The following LYPLAL1 variants were observed in gnomAD, a reference collection of about 807,000 sequenced individuals.
The protein encoded by LYPLAL1 is lysophospholipase like 1.
A neutral mutation model predicts 19.7 loss-of-function variants in LYPLAL1; 23 were observed. The ratio of observed to expected loss-of-function variants is 1.17; its 90% CI spans 0.84 to 1.65. The LOEUF (loss-of-function observed/expected upper bound fraction) is 1.65. LYPLAL1 is among the 40% of genes most tolerant of loss of function. LYPLAL1 has a pLI of 0.00. For missense variants in LYPLAL1, 355 were observed against 279.4 expected, an observed-to-expected ratio of 1.27 and a Z score of -1.93; for synonymous variants, 119 against 96.3, an observed-to-expected ratio of 1.24 and a Z score of -1.38.
chr1:219,324,023 C>T, the LYPLAL1 span, among the ~76,000 whole-genome samples: 1 of 152,156 alleles, frequency 6.6e-6, no homozygotes, highest in African/African-American at 2.4e-5. Context: ...CTTCACTACC[C>T]AGTCTAAATG....
intron 2 of LYPLAL1, among the ~76,000 whole-genome samples, chr1:219,183,401 A>C (rs1027819869): frequency 3.3e-5 from 5 of 152,164 alleles, no homozygotes; most frequent in Non-Finnish European, 2.9e-5. Context: ...TCTTAATGAC[A>C]TCTTGTGGAC....
intron 2 of LYPLAL1, among the ~76,000 whole-genome samples, chr1:219,187,839 A>G (rs1243955792): frequency 6.6e-6 from 1 of 151,808 alleles, no homozygotes; most frequent in East Asian, 1.9e-4. Context: ...CAAGTATGCT[A>G]GTAAGGAACC....
chr1:219,359,582 A>G, the LYPLAL1 span, among the ~76,000 whole-genome samples: 2 of 152,356 alleles, frequency 1.3e-5, no homozygotes, highest in East Asian at 3.9e-4. Context: ...GTCATTTGCT[A>G]AAACATGAGA....
chr1:219,198,585 G>A (rs1657807610), intron 3 of LYPLAL1: 1 of 151,578 alleles, frequency 6.6e-6, no homozygotes, highest in Non-Finnish European at 1.5e-5. Context: ...GTTTCTTTTG[G>A]GTTCTTCCAG....
the LYPLAL1 span, among the ~76,000 whole-genome samples, chr1:219,315,046 G>C: frequency 6.6e-6 from 1 of 152,020 alleles, no homozygotes; most frequent in Non-Finnish European, 1.5e-5. Flanking sequence ...GTTTTGAGGA[G>C]GGGTTGATTC....
chr1:219,321,397 T>C, the LYPLAL1 span, among the ~76,000 whole-genome samples: 2,732 of 152,304 alleles, frequency 0.018, 75 homozygotes, highest in African/African-American at 0.06. Context: ...AGGCTGCCTG[T>C]TCACTCTGAT....
the LYPLAL1 span, among the ~76,000 whole-genome samples, chr1:219,391,830 T>C: frequency 6.6e-6 from 1 of 152,212 alleles, no homozygotes; most frequent in African/African-American, 2.4e-5. Context: ...TTGGGAAGTT[T>C]AAGATCTCCC....
chr1:219,399,947 A>AC, the LYPLAL1 span, among the ~76,000 whole-genome samples: 1 of 152,026 alleles, frequency 6.6e-6, no homozygotes, highest in Non-Finnish European at 1.5e-5. Flanking sequence ...TGGCTTGCTG[A>AC]CCCTACCACT....
chr1:219,377,618 G>C, the LYPLAL1 span, among the ~76,000 whole-genome samples: 2 of 152,040 alleles, frequency 1.3e-5, no homozygotes, highest in Admixed American at 1.3e-4. Flanking sequence ...GCTGGAGATT[G>C]CCTCTTCTTT....
the LYPLAL1 span, among the ~76,000 whole-genome samples, chr1:219,278,373 C>T: frequency 6.6e-6 from 1 of 152,068 alleles, no homozygotes; most frequent in Non-Finnish European, 1.5e-5. Flanking sequence ...AACAATTTAG[C>T]CTTTACTATG....
the LYPLAL1 span, among the ~76,000 whole-genome samples, chr1:219,352,874 A>C: frequency 6.6e-6 from 1 of 152,210 alleles, no homozygotes; most frequent in Non-Finnish European, 1.5e-5. Flanking sequence ...CTCAGTACTG[A>C]TTCTTCTCAA....
chr1:219,443,552 T>TTACC, the LYPLAL1 span, among the ~76,000 whole-genome samples: 1 of 152,200 alleles, frequency 6.6e-6, no homozygotes, highest in Non-Finnish European at 1.5e-5. Flanking sequence ...AAGTCCTTAC[T>TTACC]TATCTTGGAC....
At chr1:219,393,296 C>T in the LYPLAL1 span, among the ~76,000 whole-genome samples, 1 of 152,182 alleles carries the variant, frequency 6.6e-6, no homozygotes, top group African/African-American at 2.4e-5. Flanking sequence ...TTGTCTTTGG[C>T]CCAGCTCTAT....
the LYPLAL1 span, among the ~76,000 whole-genome samples, chr1:219,401,093 G>A: frequency 1.3e-5 from 2 of 151,720 alleles, no homozygotes; most frequent in African/African-American, 4.8e-5. Flanking sequence ...ATATATAGTG[G>A]GGTTAGTTAA....
intron 3 of LYPLAL1, among the ~76,000 whole-genome samples, chr1:219,201,577 A>G (rs1173194735): frequency 1.3e-5 from 2 of 151,300 alleles, no homozygotes; most frequent in South Asian, 2.1e-4. Flanking sequence ...TTCATATTAT[A>G]ATATATAATA....
At chr1:219,416,136 C>T in the LYPLAL1 span, among the ~76,000 whole-genome samples, 2 of 152,320 alleles carry the variant, frequency 1.3e-5, no homozygotes, top group Admixed American at 6.5e-5. Context: ...TTTGTCACAA[C>T]TAATGAACCA....
chr1:219,199,465 G>A (rs1226048821), intron 3 of LYPLAL1, among the ~76,000 whole-genome samples: 1 of 151,008 alleles, frequency 6.6e-6, no homozygotes, highest in African/African-American at 2.4e-5. Flanking sequence ...TGGAGACAGA[G>A]TCTCGCTCTG....
the LYPLAL1 span, among the ~76,000 whole-genome samples, chr1:219,338,241 C>A: frequency 4.9e-3 from 738 of 151,922 alleles, 10 homozygotes; most frequent in African/African-American, 0.017. Flanking sequence ...TCCATTTAGG[C>A]AAGAAAATAT....
intron 3 of LYPLAL1, among the ~76,000 whole-genome samples, chr1:219,201,421 T>C (rs1361200490): frequency 6.6e-6 from 1 of 152,004 alleles, no homozygotes. Context: ...CAAGAGAACC[T>C]TGTTAAAAGA....
Sources: gnomAD v4.1 joint callset for allele counts (sites outside exome capture counted in the v4.1 genomes callset) on GRCh38, gnomAD v4.1.1 for gene constraint, MANE v1.5 for transcripts, NCBI Gene and HGNC (gene_info 2026-07-23, HGNC 2026-07-21) for gene names.